The following ZNF519 variants were observed in gnomAD, a reference collection of about 807,000 sequenced individuals.
ZNF519 encodes the protein similar to Zinc finger protein 85 (Zinc finger protein HPF4) (HTF1).
A neutral mutation model predicts 7.4 loss-of-function variants in ZNF519; 7 were observed. The ratio of observed to expected loss-of-function variants is 0.94; its 90% confidence interval spans 0.54 to 1.77. The LOEUF (loss-of-function observed/expected upper bound fraction) is 1.77. ZNF519 is among the 40% of genes most tolerant of loss of function. ZNF519 has a pLI of 0.00. For missense variants in ZNF519, 586 were observed against 623.1 expected, an observed-to-expected ratio of 0.94 and a Z score of 0.63; for synonymous variants, 179 against 203.3, an observed-to-expected ratio of 0.88 and a Z score of 1.02.
chr18:14,116,590 G>C (rs1013954776), intron 2 of ZNF519, among the ~76,000 whole-genome samples: 3 of 152,226 alleles, frequency 2.0e-5, no homozygotes, highest in African/African-American at 7.2e-5. Flanking sequence ...AATGGTGTTG[G>C]AAAACTCTAT....
At chr18:14,096,196 G>A (rs1281275148), downstream of ZNF519, among the ~76,000 whole-genome samples, 2 of 152,152 alleles carry the variant, frequency 1.3e-5, no homozygotes, top group Non-Finnish European at 2.9e-5. Flanking sequence ...TCTTTCCCCC[G>A]AGTGGGCTGC....
At chr18:14,106,589 G>A (rs893286975) in intron 2 of ZNF519, 180 bp from the exon 3 acceptor site, 9 of 449,966 alleles carry the variant, frequency 2.0e-5, no homozygotes, top group African/African-American at 1.8e-4. Context: ...CCCCTGCAAG[G>A]TCACCAATTT....
chr18:14,102,799 A>G lies in ZNF519; in HGVS notation c.*2118T>C, dbSNP rs1489340217. ...AATTAAGACAATATTTTAAAAATTC[A>G]ATCCAAATTGGGGGAAAAAAGCTAT... On this transcript the variant is annotated 3_prime_UTR_variant, in exon 3 of 3. Coordinates refer to ENST00000590202, the MANE Select transcript of ZNF519 (RefSeq NM_145287.4). The G allele has an allele frequency of 6.6e-6, 1 of 152,110 alleles. No individual in the cohort carries two copies. The highest frequency in any genetic ancestry group is 1.9e-4 in the East Asian group (1 of 5,202). The allele number at this position is 152,110 out of a possible 1,614,324, so 9.4% of individuals were successfully genotyped here.
chr18:14,077,168 T>C (rs1598505523), exon 5 of ZNF519: 1 of 152,156 alleles, frequency 6.6e-6, no homozygotes, highest in Non-Finnish European at 1.5e-5. Flanking sequence ...AGGATTACAT[T>C]AAATTAGAAG....
rs2046153448 is a variant in ZNF519 at position 14,100,157 on chromosome 18, A to T, written c.*4760T>A. On this transcript the variant is annotated 3_prime_UTR_variant, in exon 3 of 3. Transcript: ENST00000590202. ...AAAATGTACATTAAAACAATGTGAT[A>T]TCAATACATATCAGTCAGTATGGCT... 1 of 152,182 alleles carries T rather than the reference A, an allele frequency of 6.6e-6. No homozygotes were observed. The highest frequency in any genetic ancestry group is 1.5e-5 in the Non-Finnish European group (1 of 68,038). 9.4% of individuals were successfully genotyped at this position (152,182 alleles called of 1,614,324 possible).
chr18:14,071,718 T>G (rs572148756), downstream of ZNF519: 6 of 152,080 alleles, frequency 3.9e-5, 1 homozygote, highest in South Asian at 1.2e-3. Context: ...CCAATACTTC[T>G]ATGATATGAC....
chr18:14,107,013 A>C (rs2046196783), intron 2 of ZNF519, among the ~76,000 whole-genome samples: 1 of 152,150 alleles, frequency 6.6e-6, no homozygotes, highest in Non-Finnish European at 1.5e-5. Flanking sequence ...AAAACTTGAA[A>C]GGCAGTTTAG....
At chr18:14,110,112 T>C (rs2046212877) in intron 2 of ZNF519, among the ~76,000 whole-genome samples, 1 of 151,998 alleles carries the variant, frequency 6.6e-6, no homozygotes, top group South Asian at 2.1e-4. Flanking sequence ...CCCTATTCAA[T>C]AAACGGTGCT....
chr18:14,104,988 AT>A lies in ZNF519; in HGVS notation c.1551del (p.Lys517AsnfsTer20), dbSNP rs763678487. The stretch of plus-strand genomic sequence containing the variant: ...TTAAAAGCTTTGCCACATTCTTTAC[AT>A]TTGAAAGGTTTCTCTCCAGTATGAA... Reference protein sequence around the residue: ...QRIHTGEKPFKCKECGKAFNR... With the variant: ...QRIHTGEKPFXCKECGKAFNR... On this transcript the variant is annotated frameshift_variant, in exon 3 of 3. Transcript: ENST00000590202. LOFTEE classifies it low-confidence loss of function (END_TRUNC). 1 of 1,596,450 alleles carries A rather than the reference AT, an allele frequency of 6.3e-7. No homozygotes were observed. Among genetic ancestry groups the A allele is most frequent in the African/African-American group, 1.3e-5 (1 of 74,286 alleles).
chr18:14,090,105 C>T (rs2046108028), intron 2 of ZNF519: 1 of 152,222 alleles, frequency 6.6e-6, no homozygotes, highest in Non-Finnish European at 1.5e-5. Context: ...CCACCGCTCA[C>T]TGGCTCATGG....
At chr18:14,092,580 A>G (rs779371434) in intron 2 of ZNF519, among the ~76,000 whole-genome samples, 15 of 152,090 alleles carry the variant, frequency 9.9e-5, no homozygotes, top group Non-Finnish European at 2.1e-4. Context: ...TAGGCTTCCT[A>G]GTCTCAACAA....
downstream of ZNF519, among the ~76,000 whole-genome samples, chr18:14,095,322 C>T (rs966820638): frequency 6.6e-6 from 1 of 152,132 alleles, no homozygotes; most frequent in Non-Finnish European, 1.5e-5. Flanking sequence ...TGTGGCAGGC[C>T]TAGCACTGGG....
chr18:14,130,184 C>T (rs937185157), intron 1 of ZNF519, among the ~76,000 whole-genome samples: 5 of 148,678 alleles, frequency 3.4e-5, no homozygotes, highest in African/African-American at 1.2e-4. Context: ...ACAATTTCAT[C>T]TCCGATGGTC....
At chr18:14,078,736 C>G (rs1425810597) in intron 3 of ZNF519, among the ~76,000 whole-genome samples, 2 of 148,924 alleles carry the variant, frequency 1.3e-5, no homozygotes, top group African/African-American at 5.2e-5. Context: ...GCCAAGAATG[C>G]AAGTAGATTC....
chr18:14,131,451 A>G (rs1420682106), intron 1 of ZNF519, among the ~76,000 whole-genome samples: 9 of 152,192 alleles, frequency 5.9e-5, no homozygotes, highest in Non-Finnish European at 1.3e-4. Context: ...ACTTCAAGCC[A>G]GGTTAGGCTG....
chr18:14,109,002 G>A (rs1002339072), intron 2 of ZNF519, among the ~76,000 whole-genome samples: 5 of 152,026 alleles, frequency 3.3e-5, no homozygotes, highest in African/African-American at 1.2e-4. Flanking sequence ...AGCTACTCAG[G>A]AGGCTGAGAC....
rs1309600758 is a variant in ZNF519 at position 14,099,948 on chromosome 18, T to C, written c.*4969A>G. ...AAATCCTTGCAAATGTTTTTCTTTG[T>C]GGAAAAAAAACTTATTTATTGCCTA... On this transcript the variant is annotated 3_prime_UTR_variant, in exon 3 of 3. Transcript: ENST00000590202. 6.6e-6 allele frequency: 1 copy of C among 152,140 alleles called. No homozygotes were observed. The highest frequency in any genetic ancestry group is 2.4e-5 in the African/African-American group (1 of 41,430). 9.4% of individuals were successfully genotyped at this position (152,140 alleles called of 1,614,324 possible).
Position 14,132,067 on chromosome 18 carries a change from C to G in ZNF519, c.3+208G>C, listed in dbSNP as rs573428454. 4.6e-3 allele frequency among the ~76,000 whole-genome samples: 697 copies of G among 152,214 alleles called. 2 individuals are homozygous for G. Among genetic ancestry groups the G allele is most frequent in the Middle Eastern group, 6.8e-3 (2 of 294 alleles). ...ACAACCTGGGGAAGATGCAGGGCTG[C>G]GGGCGCAGAGCTGCGCAAAGAGGGC... On this transcript the variant is annotated intron_variant, in intron 1 of 2. Coordinates refer to ENST00000590202, the MANE Select transcript of ZNF519 (RefSeq NM_145287.4).
intron 2 of ZNF519, among the ~76,000 whole-genome samples, chr18:14,112,312 T>C (rs1330158663): frequency 1.3e-5 from 2 of 152,032 alleles, no homozygotes; most frequent in Non-Finnish European, 1.5e-5. Context: ...AGAAGAAACA[T>C]ACCTCAACAT....
Sources: allele counts gnomAD v4.1 joint callset (sites outside exome capture counted in the v4.1 genomes callset), GRCh38; gene constraint gnomAD v4.1.1; transcripts MANE v1.5; gene names NCBI Gene and HGNC (gene_info 2026-07-23, HGNC 2026-07-21).